DAB1: variants seen among roughly 807,000 people sequenced by gnomAD.
DAB1 encodes the protein DAB adaptor protein 1.
DAB1 carries 15 observed loss-of-function variants against 64.6 expected under a neutral mutation model. That is an observed-to-expected ratio of 0.23 (90% confidence interval 0.16 to 0.36). The LOEUF (loss-of-function observed/expected upper bound fraction) is 0.36, where lower values mean the gene tolerates loss of function less well. Ranked by LOEUF, DAB1 falls within the 10% of genes least tolerant of loss-of-function variation. The pLI is 1.00. For missense variants in DAB1, 596 were observed against 706.7 expected, an observed-to-expected ratio of 0.84 and a Z score of 1.78; for synonymous variants, 235 against 251.9, an observed-to-expected ratio of 0.93 and a Z score of 0.64.
intron 5 of DAB1, among the ~76,000 whole-genome samples, chr1:58,089,325 A>G (rs12123438): frequency 1.6e-4 from 24 of 152,394 alleles, no homozygotes; most frequent in Non-Finnish European, 2.9e-4. Context: ...GATAATGTGC[A>G]TGCAGCGCCT....
intron 7 of DAB1, among the ~76,000 whole-genome samples, chr1:57,624,291 G>A (rs1029405288): frequency 3.9e-5 from 6 of 152,082 alleles, no homozygotes; most frequent in African/African-American, 1.2e-4. Context: ...GCAGGCTTTT[G>A]GTGTCACATG....
intron 1 of DAB1, among the ~76,000 whole-genome samples, chr1:57,342,836 G>A (rs1025746066): frequency 2.0e-5 from 3 of 150,218 alleles, no homozygotes; most frequent in Non-Finnish European, 4.5e-5. Flanking sequence ...CCTCGCGGTG[G>A]GTTCGTGGTC....
intron 2 of DAB1, among the ~76,000 whole-genome samples, chr1:57,221,443 C>CAA (rs386367039): frequency 1.3e-3 from 170 of 127,714 alleles, no homozygotes; most frequent in African/African-American, 4.0e-3. Context: ...TGTGGCATTA[C>CAA]AAAAAAAAAA....
chr1:57,755,077 T>C (rs1648742236), intron 6 of DAB1, among the ~76,000 whole-genome samples: 1 of 152,168 alleles, frequency 6.6e-6, no homozygotes, highest in Non-Finnish European at 1.5e-5. Flanking sequence ...CAAAATTATA[T>C]ATAGCTTCCA....
At chr1:58,166,513 G>C (rs1283422014) in intron 4 of DAB1, among the ~76,000 whole-genome samples, 1 of 151,892 alleles carries the variant, frequency 6.6e-6, no homozygotes, top group Non-Finnish European at 1.5e-5. Flanking sequence ...CCACTGCCTG[G>C]GTATACTATA....
intron 7 of DAB1, among the ~76,000 whole-genome samples, chr1:57,429,655 G>T (rs575353866): frequency 6.6e-6 from 1 of 152,196 alleles, no homozygotes; most frequent in Non-Finnish European, 1.5e-5. Flanking sequence ...ATTTTGAGTT[G>T]ATTTTCATAT....
At chr1:57,987,469 G>A (rs1646247814) in intron 5 of DAB1, among the ~76,000 whole-genome samples, 1 of 152,172 alleles carries the variant, frequency 6.6e-6, no homozygotes, top group African/African-American at 2.4e-5. Context: ...ATTGTCCAAG[G>A]TCAAAGGTTA....
chr1:57,412,960 T>C (rs1450915675), intron 1 of DAB1, among the ~76,000 whole-genome samples: 1 of 152,030 alleles, frequency 6.6e-6, no homozygotes, highest in African/African-American at 2.4e-5. Flanking sequence ...AGAGGAGAGG[T>C]CAATGCCTGA....
chr1:57,092,017 A>G (rs574629410), intron 4 of DAB1, among the ~76,000 whole-genome samples: 6 of 152,150 alleles, frequency 3.9e-5, no homozygotes, highest in Admixed American at 3.9e-4. Flanking sequence ...CTTGCATTTC[A>G]TCTCTCTTTG....
At chr1:57,016,447 G>GT (rs1400616096) in intron 11 of DAB1, among the ~76,000 whole-genome samples, 1 of 152,016 alleles carries the variant, frequency 6.6e-6, no homozygotes, top group Non-Finnish European at 1.5e-5. Context: ...AGTCAGGAAT[G>GT]GTGGCACATG....
At chr1:58,085,031 G>C (rs550328062) in intron 5 of DAB1, among the ~76,000 whole-genome samples, 4 of 152,176 alleles carry the variant, frequency 2.6e-5, no homozygotes, top group African/African-American at 9.6e-5. Context: ...AATACCTTTG[G>C]GATTTTATGT....
At chr1:57,902,682 A>G (rs1285870934) in intron 5 of DAB1, among the ~76,000 whole-genome samples, 1 of 152,124 alleles carries the variant, frequency 6.6e-6, no homozygotes, top group African/African-American at 2.4e-5. Flanking sequence ...GAGTGACATG[A>G]TTTCAGTTAG....
At chr1:57,278,680 C>G (rs1335437848) in intron 2 of DAB1, among the ~76,000 whole-genome samples, 1 of 152,108 alleles carries the variant, frequency 6.6e-6, no homozygotes, top group South Asian at 2.1e-4. Flanking sequence ...GGAACTTCTT[C>G]CAGGCTGAGA....
chr1:57,369,895 C>A (rs1455790452), intron 1 of DAB1, among the ~76,000 whole-genome samples: 1 of 152,206 alleles, frequency 6.6e-6, no homozygotes, highest in African/African-American at 2.4e-5. Flanking sequence ...GTGACTGAAC[C>A]AAGATCATCC....
intron 5 of DAB1, among the ~76,000 whole-genome samples, chr1:58,049,804 C>T (rs973875828): frequency 6.7e-6 from 1 of 149,648 alleles, no homozygotes; most frequent in African/African-American, 2.5e-5. Context: ...ATATTATATG[C>T]CTGGCATACA....
intron 4 of DAB1, among the ~76,000 whole-genome samples, chr1:57,121,663 G>C (rs1420784925): frequency 6.6e-6 from 1 of 152,080 alleles, no homozygotes; most frequent in Non-Finnish European, 1.5e-5. Flanking sequence ...TATTGCCTAG[G>C]TTTTCTTCTA....
At chr1:57,027,492 CCA>C (rs1646829866) in intron 9 of DAB1, among the ~76,000 whole-genome samples, 1 of 152,132 alleles carries the variant, frequency 6.6e-6, no homozygotes, top group South Asian at 2.1e-4. Flanking sequence ...CTTTCTTTAC[CCA>C]CAAATGTCTT....
intron 1 of DAB1, among the ~76,000 whole-genome samples, chr1:57,415,560 C>T (rs1341747784): frequency 6.6e-6 from 1 of 152,052 alleles, no homozygotes; most frequent in Non-Finnish European, 1.5e-5. Context: ...AACCTTTTTG[C>T]ATTTATTGGA....
intron 4 of DAB1, among the ~76,000 whole-genome samples, chr1:58,324,488 T>C (rs1217641105): frequency 6.6e-6 from 1 of 152,164 alleles, no homozygotes; most frequent in Non-Finnish European, 1.5e-5. Context: ...ACTTTTTATG[T>C]CCAACATGGC....
Sources: allele counts gnomAD v4.1 joint callset (sites outside exome capture counted in the v4.1 genomes callset), GRCh38; gene constraint gnomAD v4.1.1; transcripts MANE v1.5; gene names NCBI Gene and HGNC (gene_info 2026-07-23, HGNC 2026-07-21).